The following IFT140 variants were observed in gnomAD, a reference collection of about 807,000 sequenced individuals.
IFT140 encodes the protein intraflagellar transport 140.
Under a neutral mutation model 164.6 loss-of-function variants are expected in IFT140, and 133 were observed. The ratio of observed to expected loss-of-function variants is 0.81; its 90% confidence interval spans 0.70 to 0.93. The LOEUF (loss-of-function observed/expected upper bound fraction) is 0.93, where lower values mean the gene tolerates loss of function less well. Among genes scored for constraint, IFT140 ranks in the 40% least tolerant of loss-of-function variants. The pLI is 0.00. For missense variants in IFT140, 2,045 were observed against 1,972.3 expected (o/e 1.04, Z -0.70); for synonymous variants, 860 against 817.3 (o/e 1.05, Z -0.89).
intron 21 of IFT140, among the ~76,000 whole-genome samples, chr16:1,525,684 G>A (rs555655417): frequency 2.1e-4 from 32 of 152,332 alleles, no homozygotes; most frequent in African/African-American, 7.0e-4. Flanking sequence ...TCCTGCCTGG[G>A]AAGCTGGGTG....
At chr16:1,605,529 C>A (rs2036012710) in intron 3 of IFT140, among the ~76,000 whole-genome samples, 1 of 152,164 alleles carries the variant, frequency 6.6e-6, no homozygotes, top group Non-Finnish European at 1.5e-5. Flanking sequence ...CCTCAGCCTC[C>A]TGAGTAGCTG....
intron 14 of IFT140, 135 bp from the exon 15 acceptor site, chr16:1,568,469 C>T (rs956041067): frequency 1.6e-5 from 11 of 699,046 alleles, no homozygotes; most frequent in Non-Finnish European, 1.9e-5. Context: ...GGCGCGTGTG[C>T]ACCATGAGGT....
In IFT140 at chr16:1,607,297, C is replaced by A; in HGVS notation, c.-31G>T. The stretch of plus-strand genomic sequence containing the variant: ...AACTCAGGCCTCCTCAGCGCTGAAA[C>A]CTGCAGGGAAAAAAAAATGACCAAG... On this transcript the variant is annotated splice_region_variant and 5_prime_UTR_variant, in exon 3 of 31. Transcript: ENST00000426508. The A allele has an allele frequency of 1.9e-6, 3 of 1,584,628 alleles. No homozygotes were observed. Among genetic ancestry groups the A allele is most frequent in the Admixed American group, 1.9e-5 (1 of 52,678 alleles).
chr16:1,592,797 C>T (rs1383524197), intron 4 of IFT140, among the ~76,000 whole-genome samples: 2 of 136,472 alleles, frequency 1.5e-5, no homozygotes, highest in Non-Finnish European at 3.1e-5. Flanking sequence ...ACCAGCCACA[C>T]GGTGCCCAGC....
At chr16:1,514,369 CAAATAAATAAATAAAT>C (rs544738443) in intron 30 of IFT140, 1 of 151,786 alleles carries the variant, frequency 6.6e-6, no homozygotes, top group Non-Finnish European at 1.5e-5. Context: ...CACTCCATCT[CAAATAAATAAATAAAT>C]AAATAAATAA....
In IFT140 at chr16:1,510,971, C is replaced by T. The variant is rs763213109; in HGVS notation, c.4362G>A (p.Val1454=). The T allele has an allele frequency of 1.2e-6, 2 of 1,612,318 alleles. No individual in the cohort carries two copies. Among genetic ancestry groups the T allele is most frequent in the East Asian group, 2.2e-5 (1 of 44,830 alleles). ...MEDARELDEE[V]VEEADDDP ...AGGGGTCGTCATCTGCCTCTTCCAC[C>T]ACCTCCTCGTCCAGCTCCCTGGCGT... The change falls in exon 31 of 31, where the codon GTG becomes GTA. Residue 1454 remains valine (V), a synonymous_variant. Coordinates refer to ENST00000426508, the MANE Select transcript of IFT140 (RefSeq NM_014714.4).
chr16:1,575,616 T>A (rs1714711750), intron 13 of IFT140, among the ~76,000 whole-genome samples: 1 of 152,136 alleles, frequency 6.6e-6, no homozygotes, highest in African/African-American at 2.4e-5. Flanking sequence ...GCAACTGTTG[T>A]TAGGTATCTT....
In IFT140 at chr16:1,511,123, G is replaced by A. The variant is rs1465721813; in HGVS notation, c.4210C>T (p.Arg1404Trp). The A allele has an allele frequency of 5.6e-6, 9 of 1,608,990 alleles. No homozygotes were observed. Among genetic ancestry groups the A allele is most frequent in the Non-Finnish European group, 7.6e-6 (9 of 1,178,514 alleles). The change falls in exon 31 of 31, where the codon CGG (arginine) becomes TGG (tryptophan). Residue 1404 changes from arginine to tryptophan, a missense_variant. By Grantham distance (101) the Arg-to-Trp change is moderately radical (BLOSUM62 -3). Coordinates refer to ENST00000426508, the MANE Select transcript of IFT140 (RefSeq NM_014714.4). ...TAYRFLEEMR[R>W]RLPLANMSYY... ...GACATGTTGGCCAAGGGAAGCCGCC[G>A]CCGCATCTCCTCCAGGAATCTGTAG...
chr16:1,604,066 T>A (rs1047049377), intron 3 of IFT140, among the ~76,000 whole-genome samples: 1 of 152,262 alleles, frequency 6.6e-6, no homozygotes, highest in African/African-American at 2.4e-5. Flanking sequence ...AATTTAATAA[T>A]ATTTATTTTA....
At chr16:1,536,944 A>T (rs542467623) in intron 19 of IFT140, among the ~76,000 whole-genome samples, 1 of 152,350 alleles carries the variant, frequency 6.6e-6, no homozygotes, top group East Asian at 1.9e-4. Flanking sequence ...ACCTTTCTGC[A>T]AAATCCTGCC....
At chr16:1,519,771 G>A in intron 29 of IFT140, 110 bp downstream of exon 29, 1 of 1,056,386 alleles carries the variant, frequency 9.5e-7, no homozygotes, top group African/African-American at 1.6e-5. Context: ...TGTCCCAAGT[G>A]AGCTCCCATC....
intron 2 of IFT140, among the ~76,000 whole-genome samples, chr16:1,609,213 G>C (rs1045204380): frequency 6.6e-6 from 1 of 152,178 alleles, no homozygotes; most frequent in African/African-American, 2.4e-5. Flanking sequence ...CCTGGGCTAA[G>C]GGAAATTAGG....
At chr16:1,587,910 G>T (rs1567407776) in intron 8 of IFT140, 23 bp downstream of exon 8, 9 of 1,577,146 alleles carry the variant, frequency 5.7e-6, no homozygotes, top group Non-Finnish European at 7.8e-6. Context: ...TCATCAAGGG[G>T]CACTGGAAAG....
At chr16:1,586,627 GCACACACACACA>G (rs10572789) in intron 9 of IFT140, among the ~76,000 whole-genome samples, 1 of 149,970 alleles carries the variant, frequency 6.7e-6, no homozygotes, top group Non-Finnish European at 1.5e-5. Flanking sequence ...ACACATGCAT[GCACACACACACA>G]CACACACACA....
chr16:1,576,609 A>ATTTT (rs1567392302), intron 13 of IFT140: 1 of 151,852 alleles, frequency 6.6e-6, no homozygotes, highest in African/African-American at 2.4e-5. Context: ...AAAAAAACAA[A>ATTTT]TTTTGACTTT....
rs770059068 is a variant in IFT140, at chr16:1,519,977, G to A, written c.3944C>T (p.Ala1315Val). The A allele has an allele frequency of 6.2e-7, 1 of 1,606,532 alleles. No individual in the cohort carries two copies. Among genetic ancestry groups the A allele is most frequent in the Non-Finnish European group, 8.5e-7 (1 of 1,177,088 alleles). ...GALTEAYKCL[A>V]KAKAKSPLDQ... Reference sequence around the variant, plus strand: ...CAGGGGGCTCTTGGCCTTGGCCTTGGCCAGGCACTTGTAGGCCTCGGTCAG... The same window carrying A: ...CAGGGGGCTCTTGGCCTTGGCCTTGACCAGGCACTTGTAGGCCTCGGTCAG... The change falls in exon 29 of 31, where the codon GCC (alanine) becomes GTC (valine). Residue 1315 changes from alanine to valine, a missense_variant. By Grantham distance (64) the Ala-to-Val change is moderately conservative. Transcript: ENST00000426508.
At chr16:1,610,090 G>C (rs1479507194) in intron 2 of IFT140, 2 of 153,408 alleles carry the variant, frequency 1.3e-5, no homozygotes, top group African/African-American at 2.4e-5. Flanking sequence ...AGCCTTCCTC[G>C]GTGACGCTGA....
rs745309062 is a variant in IFT140 at position 1,566,184 on chromosome 16, G to T, written c.1878C>A (p.Ser626=). ...ACTTATTAGTCTCTTGCTCATTAAA[G>T]GACAGCGTCTCTCTCCGATCAATTT... ...TGQIDRRETL[S]FNEQETNKSH... The change falls in exon 16 of 31, where the codon TCC becomes TCA. Residue 626 remains serine (S), a synonymous_variant. Transcript: ENST00000426508. 6.2e-7 allele frequency: 1 copy of T among 1,613,692 alleles called. No individual in the cohort carries two copies. The highest frequency in any genetic ancestry group is 8.5e-7 in the Non-Finnish European group (1 of 1,179,752).
Position 1,535,100 on chromosome 16 carries a change from G to A in IFT140, c.2400-8304C>T, listed in dbSNP as rs145848695. Among the ~76,000 whole-genome samples, 1,232 of 152,206 alleles carry A rather than the reference G, an allele frequency of 8.1e-3. 10 individuals are homozygous for A. The highest frequency in any genetic ancestry group is 0.012 in the Non-Finnish European group (803 of 68,016). ...TACTCATGAGTAAAATAAACAAGAA[G>A]TTTAAAAATACACGGGTGAGTTCTG... On this transcript the variant is annotated intron_variant, in intron 19 of 30. Transcript: ENST00000426508.
Sources: gnomAD v4.1 joint callset for allele counts (sites outside exome capture counted in the v4.1 genomes callset) on GRCh38, gnomAD v4.1.1 for gene constraint, MANE v1.5 for transcripts, NCBI Gene and HGNC (gene_info 2026-07-23, HGNC 2026-07-21) for gene names.